Variants in CSMD3 observed in about 807,000 individuals in gnomAD.
CSMD3 encodes the protein CUB and sushi domain-containing protein 3.
Under a neutral mutation model 435.2 loss-of-function variants are expected in CSMD3, and 177 were observed. The ratio of observed to expected loss-of-function variants is 0.41; its 90% CI spans 0.36 to 0.46. The LOEUF (loss-of-function observed/expected upper bound fraction) is 0.46, where lower values mean the gene tolerates loss of function less well. Among genes scored for constraint, CSMD3 ranks in the 20% least tolerant of loss-of-function variants. The pLI is 0.34. For missense variants in CSMD3, 4,265 were observed against 4,504.6 expected (o/e 0.95, Z 1.52); for synonymous variants, 1,656 against 1,520.5 (o/e 1.09, Z -2.07).
At chr8:112,351,083 C>G in intron 40 of CSMD3, 92 bp downstream of exon 40, 8 of 833,678 alleles carry the variant, frequency 9.6e-6, no homozygotes, top group Non-Finnish European at 1.6e-5. Context: ...CAGAATGAAA[C>G]TTTAAAATCT....
intron 11 of CSMD3, among the ~76,000 whole-genome samples, chr8:112,846,461 C>T (rs2080322919): frequency 6.6e-6 from 1 of 151,362 alleles, no homozygotes; most frequent in Admixed American, 6.6e-5. Context: ...TGGAATGCAG[C>T]AGCAGGGTTA....
Position 113,098,757 on chromosome 8 carries a change from A to C in CSMD3, c.916T>G (p.Trp306Gly). The part of the protein sequence containing the change: ...EIEGSEPPTI[W>G]LSGMNIPPPI... The stretch of plus-strand genomic sequence containing the variant: ...GGTTAATAGAAGCTATTTACTTACC[A>C]TATGGTAGGTGGCTCAGAACCTTCT... Residue 306 changes from tryptophan (W) to glycine (G), a missense_variant and splice_region_variant, in exon 5 of 71, where the codon TGG (tryptophan) becomes GGG (glycine). Trp to Gly is a radical substitution (Grantham distance 184, BLOSUM62 -2). Coordinates refer to ENST00000297405, the MANE Select transcript of CSMD3 (RefSeq NM_198123.2). 1 of 1,595,270 alleles carries C rather than the reference A, an allele frequency of 6.3e-7. No homozygotes were observed. The highest frequency in any genetic ancestry group is 8.6e-7 in the Non-Finnish European group (1 of 1,163,274).
chr8:113,382,810 G>A (rs1286850661), intron 1 of CSMD3, among the ~76,000 whole-genome samples: 6 of 151,754 alleles, frequency 4.0e-5, no homozygotes, highest in African/African-American at 1.2e-4. Context: ...ATGAAACCCC[G>A]TCTCTACTAA....
chr8:112,478,635 C>T (rs1819310720), intron 31 of CSMD3, among the ~76,000 whole-genome samples: 1 of 152,138 alleles, frequency 6.6e-6, no homozygotes, highest in Non-Finnish European at 1.5e-5. Flanking sequence ...GGCCTGGCTA[C>T]TTCTAACAAC....
intron 1 of CSMD3, among the ~76,000 whole-genome samples, chr8:113,418,264 A>G (rs985383966): frequency 2.6e-5 from 4 of 152,192 alleles, no homozygotes; most frequent in African/African-American, 9.6e-5. Flanking sequence ...AATTTTAACT[A>G]GAGAGCATTT....
chr8:112,624,710 T>C (rs7812898), intron 22 of CSMD3, among the ~76,000 whole-genome samples: 134,627 of 152,026 alleles, frequency 0.89, 60,105 homozygotes, highest in African/African-American at 0.97. Context: ...TAGCAAGGTA[T>C]CACTATGTAC....
At chr8:112,303,774 T>C (rs73326618) in intron 52 of CSMD3, among the ~76,000 whole-genome samples, 20,194 of 152,200 alleles carry the variant, frequency 0.13, 3,279 homozygotes, top group African/African-American at 0.39. Flanking sequence ...TAATATCAGA[T>C]ACTTGTGTAC....
intron 11 of CSMD3, 93 bp from the exon 12 acceptor site, chr8:112,829,882 T>C: frequency 1.6e-6 from 1 of 638,440 alleles, no homozygotes; most frequent in Non-Finnish European, 2.8e-6. Context: ...TCTTTGTCTC[T>C]CTGCACACAC....
chr8:112,785,543 A>G (rs900791213), intron 13 of CSMD3, among the ~76,000 whole-genome samples: 1 of 152,106 alleles, frequency 6.6e-6, no homozygotes, highest in Non-Finnish European at 1.5e-5. Flanking sequence ...GTTAGAACTG[A>G]TTTTAAAATT....
chr8:113,157,521 A>G (rs2131819066), intron 4 of CSMD3, among the ~76,000 whole-genome samples: 1 of 152,176 alleles, frequency 6.6e-6, no homozygotes, highest in South Asian at 2.1e-4. Flanking sequence ...CATGTGATAC[A>G]GCTTGCCAAA....
rs2092677217 is a variant in CSMD3 at position 113,197,936 on chromosome 8, G to T, written c.515-24020C>A. ...CTTACCATAAGAGGATTCAGCACTG[G>T]TGTCATGTAACTAACTATATTTGAG... On this transcript the variant is annotated intron_variant, in intron 3 of 70. Coordinates refer to ENST00000297405, the MANE Select transcript of CSMD3 (RefSeq NM_198123.2). Among the ~76,000 whole-genome samples, 8 of 151,238 alleles carry T rather than the reference G, an allele frequency of 5.3e-5. No homozygotes were observed. The South Asian group carries it at 1.7e-3, about 31-fold the overall frequency.
intron 38 of CSMD3, among the ~76,000 whole-genome samples, chr8:112,355,789 T>C (rs6469414): frequency 0.67 from 100,878 of 151,598 alleles, 35,387 homozygotes; most frequent in African/African-American, 0.89. Flanking sequence ...GCAGAGATTG[T>C]GCCACTGCAC....
intron 13 of CSMD3, among the ~76,000 whole-genome samples, chr8:112,721,910 T>C (rs1037508265): frequency 1.3e-5 from 2 of 152,138 alleles, no homozygotes; most frequent in Non-Finnish European, 2.9e-5. Flanking sequence ...TGCAAGAATA[T>C]GATTTGGTCA....
chr8:112,520,659 C>T (rs138360502), intron 27 of CSMD3, among the ~76,000 whole-genome samples: 1 of 151,792 alleles, frequency 6.6e-6, no homozygotes, highest in Non-Finnish European at 1.5e-5. Flanking sequence ...AAGAAAGAGG[C>T]AAGGTTATAT....
chr8:112,552,171 C>T (rs1245468412), intron 26 of CSMD3, among the ~76,000 whole-genome samples: 1 of 152,032 alleles, frequency 6.6e-6, no homozygotes, highest in Non-Finnish European at 1.5e-5. Context: ...TGAGGATGCA[C>T]TAGGGTAATA....
At position 112,650,202 on chromosome 8, in the gene CSMD3, T is replaced by C. The variant is rs761145224; in HGVS notation, c.3152A>G (p.Glu1051Gly). 49 of 1,613,978 alleles carry C rather than the reference T, an allele frequency of 3.0e-5. No homozygotes were observed. The highest frequency in any genetic ancestry group is 4.0e-5 in the Non-Finnish European group (47 of 1,179,956). The change falls in exon 19 of 71, where the codon GAA becomes GGA. Residue 1051 changes from glutamate (E) to glycine (G), a missense_variant. Physicochemically the swap from Glu to Gly is moderately conservative, Grantham distance 98. Around this residue, in one of 3 missense-constraint regions of CSMD3, gnomAD observed 3,255 missense variants for 3,380.2 expected, o/e 0.96. Transcript: ENST00000297405. ...RLSHEEPLLC[E>G]KNHWWSHPLP... ...TGGATGACTCCACCAGTGGTTTTTT[T>C]CGCATAGAAGGGGCTCTTCATGACT...
intron 4 of CSMD3, among the ~76,000 whole-genome samples, chr8:113,102,656 T>G (rs1452847404): frequency 2.0e-5 from 3 of 151,938 alleles, no homozygotes; most frequent in Admixed American, 1.3e-4. Context: ...CAAAGCAAAA[T>G]AGTAAGCAGT....
intron 13 of CSMD3, among the ~76,000 whole-genome samples, chr8:112,748,494 C>T (rs921905655): frequency 3.9e-5 from 6 of 152,028 alleles, no homozygotes; most frequent in African/African-American, 1.5e-4. Flanking sequence ...TCCCTCCTCC[C>T]ACCCTCCCGC....
intron 1 of CSMD3, among the ~76,000 whole-genome samples, chr8:113,397,869 G>T (rs199519239): frequency 1.0e-4 from 15 of 146,550 alleles, no homozygotes; most frequent in African/African-American, 3.6e-4. Context: ...AATAAATAAA[G>T]AACACAGACT....
Sources: gnomAD v4.1 joint callset for allele counts (sites outside exome capture counted in the v4.1 genomes callset) on GRCh38, gnomAD v4.1.1 for gene constraint, gnomAD v4.1.1 regional missense constraint, MANE v1.5 for transcripts, NCBI Gene and HGNC (gene_info 2026-07-23, HGNC 2026-07-21) for gene names.